Variants in MLLT1 observed in about 807,000 individuals in gnomAD.
The protein encoded by MLLT1 is MLLT1 super elongation complex subunit.
Under a neutral mutation model 55.1 loss-of-function variants are expected in MLLT1, and 11 were observed. The observed-to-expected ratio is 0.20, with a 90% CI of 0.13 to 0.33. The LOEUF (loss-of-function observed/expected upper bound fraction) is 0.33. Ranked by LOEUF, MLLT1 falls within the 10% of genes least tolerant of loss-of-function variation. The pLI, the probability that MLLT1 is intolerant of heterozygous loss-of-function variation, is 1.00. For synonymous variants in MLLT1, 323 were observed against 320.1 expected, an observed-to-expected ratio of 1.01 and a Z score of -0.10; for missense variants, 536 against 760.6, an observed-to-expected ratio of 0.70 and a Z score of 3.47.
chr19:6,246,308 C>A (rs1023000552), intron 3 of MLLT1, among the ~76,000 whole-genome samples: 1 of 152,110 alleles, frequency 6.6e-6, no homozygotes, highest in Non-Finnish European at 1.5e-5. Context: ...GAACTGAAAA[C>A]GTGGTCACAC....
intron 2 of MLLT1, among the ~76,000 whole-genome samples, chr19:6,267,342 G>A (rs1306492440): frequency 2.0e-5 from 3 of 151,276 alleles, no homozygotes; most frequent in Admixed American, 6.6e-5. Flanking sequence ...GACCTCAGGT[G>A]ATCCACCCGT....
intron 3 of MLLT1, among the ~76,000 whole-genome samples, chr19:6,232,996 C>T (rs981394622): frequency 5.9e-5 from 9 of 152,176 alleles, no homozygotes; most frequent in South Asian, 2.1e-4. Context: ...GCAGTGGGGA[C>T]GCAAGGCAGA....
intron 6 of MLLT1, among the ~76,000 whole-genome samples, chr19:6,218,853 G>A (rs555001536): frequency 6.6e-6 from 1 of 152,344 alleles, no homozygotes; most frequent in African/African-American, 2.4e-5. Context: ...TCATCCCAAG[G>A]GGTGTGCCAG....
rs1470882028 is a variant in MLLT1, at chr19:6,240,297, C to T, written c.277-9584G>A. Among the ~76,000 whole-genome samples the T allele has an allele frequency of 6.6e-6, 1 of 152,246 alleles. No individual in the cohort carries two copies. The highest frequency in any genetic ancestry group is 1.5e-5 in the Non-Finnish European group (1 of 68,040). On this transcript the variant is annotated intron_variant, in intron 3 of 11. Coordinates refer to ENST00000252674, the MANE Select transcript of MLLT1 (RefSeq NM_005934.4). This position sits in a 1 kb window ranked among gnomAD's most constrained non-coding sequence, Gnocchi z 4.7. The stretch of plus-strand genomic sequence containing the variant: ...CGAAAGCCAGCCACCTACAGGCCTG[C>T]CTGGAAGAGGCTGGCCCTGGTCAGG...
At chr19:6,216,805 C>T in intron 7 of MLLT1, 1 of 413,258 alleles carries the variant, frequency 2.4e-6, no homozygotes, top group Non-Finnish European at 4.4e-6. Context: ...TCCATTGCTG[C>T]AGCCGGAGGA....
chr19:6,253,263 TCAAAAAAAAAAA>T (rs2091233827), intron 3 of MLLT1, among the ~76,000 whole-genome samples: 1 of 27,200 alleles, frequency 3.7e-5, no homozygotes, highest in African/African-American at 1.9e-4. Flanking sequence ...AGACCCCATC[TCAAAAAAAAAAA>T]AAAAAAAAAA....
chr19:6,278,624 A>T (rs747741015), intron 1 of MLLT1, among the ~76,000 whole-genome samples: 1 of 152,170 alleles, frequency 6.6e-6, no homozygotes, highest in African/African-American at 2.4e-5. Context: ...CAGGACTGTG[A>T]CGTGACCAAC....
chr19:6,268,776 G>T (rs2091369684), intron 2 of MLLT1, among the ~76,000 whole-genome samples: 1 of 152,172 alleles, frequency 6.6e-6, no homozygotes, highest in Admixed American at 6.5e-5. Flanking sequence ...CTGAAGCCTG[G>T]CATGGTGGCA....
At chr19:6,228,380 G>A (rs1227737677) in intron 4 of MLLT1, among the ~76,000 whole-genome samples, 1 of 152,164 alleles carries the variant, frequency 6.6e-6, no homozygotes, top group Non-Finnish European at 1.5e-5. Context: ...TCTCGCTCTA[G>A]CACAGACCGT....
intron 8 of MLLT1, 84 bp from the exon 9 acceptor site, chr19:6,214,122 A>ACGGAGT: frequency 2.8e-6 from 2 of 720,644 alleles, no homozygotes; most frequent in South Asian, 3.3e-5. Flanking sequence ...TCTGCCCCGC[A>ACGGAGT]CGGAGTCGGT....
intron 2 of MLLT1, among the ~76,000 whole-genome samples, chr19:6,267,672 TC>T (rs1441677674): frequency 2.0e-5 from 3 of 152,162 alleles, no homozygotes; most frequent in African/African-American, 7.2e-5. Flanking sequence ...AGTCCTGCCG[TC>T]CCAACCAGCC....
intron 1 of MLLT1, among the ~76,000 whole-genome samples, chr19:6,275,468 A>T (rs2091423025): frequency 1.3e-5 from 2 of 152,154 alleles, no homozygotes; most frequent in Non-Finnish European, 2.9e-5. Flanking sequence ...CCCCCTGCGG[A>T]ATCTTCTCCC....
At chr19:6,252,107 T>C (rs1037134927) in intron 3 of MLLT1, among the ~76,000 whole-genome samples, 11 of 152,104 alleles carry the variant, frequency 7.2e-5, no homozygotes, top group African/African-American at 2.2e-4. Flanking sequence ...ACTGGTTGGG[T>C]TGCAGATGGG....
chr19:6,269,224 C>T (rs1202382313), intron 2 of MLLT1, among the ~76,000 whole-genome samples: 2 of 152,392 alleles, frequency 1.3e-5, no homozygotes, highest in East Asian at 3.9e-4. Context: ...GCCCACAGGC[C>T]AGCCTGCCCA....
chr19:6,269,509 A>G (rs1193716516), intron 2 of MLLT1, among the ~76,000 whole-genome samples: 1 of 152,224 alleles, frequency 6.6e-6, no homozygotes, highest in East Asian at 1.9e-4. Context: ...GGGAAAGAGA[A>G]GCCGCAGGCT....
In MLLT1 at chr19:6,230,196, G is replaced by GGT. The variant is rs1239966702; in HGVS notation, c.420+372_420+373dup. Among the ~76,000 whole-genome samples, 2 of 152,210 alleles carry GGT rather than the reference G, an allele frequency of 1.3e-5. No homozygotes were observed. The highest frequency in any genetic ancestry group is 4.8e-5 in the African/African-American group (2 of 41,458). On this transcript the variant is annotated intron_variant, in intron 4 of 11. Transcript: ENST00000252674. This position sits in a 1 kb window ranked among gnomAD's most constrained non-coding sequence, Gnocchi z 9.0. ...TGTCGTCTGGCCTCCCGAAGTCAGA[G>GGT]GTGATGGCGATGCGCACGGCAGGGG...
chr19:6,254,301 A>C (rs975876609), intron 3 of MLLT1, among the ~76,000 whole-genome samples: 5 of 152,222 alleles, frequency 3.3e-5, no homozygotes, highest in Non-Finnish European at 5.9e-5. Context: ...CACCCTTCCC[A>C]CATAGCCTGC....
chr19:6,233,843 G>A (rs1285574441), intron 3 of MLLT1, among the ~76,000 whole-genome samples: 1 of 152,232 alleles, frequency 6.6e-6, no homozygotes, highest in East Asian at 1.9e-4. Flanking sequence ...CTTTCCTTGA[G>A]GACTCAAATG....
chr19:6,211,325 C>A lies in MLLT1; in HGVS notation c.*1717G>T, dbSNP rs932425556. 1.7e-5 allele frequency: 4 copies of A among 232,768 alleles called. No homozygotes were observed. In the East Asian group the frequency reaches 2.4e-4, roughly 14 times the overall value. 14.4% of individuals were successfully genotyped at this position (232,768 alleles called of 1,614,324 possible). Reference sequence around the variant, plus strand: ...GAAGGCAGTGGGGCCGGGAGAGAAACAGAGCAGGTGGCGAGGAGTCCCGGA... The same window carrying A: ...GAAGGCAGTGGGGCCGGGAGAGAAAAAGAGCAGGTGGCGAGGAGTCCCGGA... On this transcript the variant is annotated 3_prime_UTR_variant, in exon 12 of 12. Transcript: ENST00000252674. This position sits in a 1 kb window ranked among gnomAD's most constrained non-coding sequence, Gnocchi z 4.6.
Sources: allele counts gnomAD v4.1 joint callset (sites outside exome capture counted in the v4.1 genomes callset), GRCh38; gene constraint gnomAD v4.1.1; non-coding constraint Gnocchi (gnomAD v3.1); transcripts MANE v1.5; gene names NCBI Gene and HGNC (gene_info 2026-07-23, HGNC 2026-07-21).